BLOC1S3: variants seen among roughly 807,000 people sequenced by gnomAD.
BLOC1S3 encodes biogenesis of lysosomal organelles complex 1 subunit 3, also known as biogenesis of lysosome-related organelles complex 1 subunit 3.
Under a neutral mutation model 9.1 loss-of-function variants are expected in BLOC1S3, and 7 were observed. The ratio of observed to expected loss-of-function variants is 0.77; its 90% CI spans 0.44 to 1.45. The LOEUF is 1.45. Ranked by LOEUF, BLOC1S3 falls within the 40% of genes most tolerant of loss-of-function variation. BLOC1S3 has a pLI of 0.01. For synonymous variants in BLOC1S3, 145 were observed against 158.4 expected (o/e 0.92, Z 0.64); for missense variants, 307 against 315.2 (o/e 0.97, Z 0.20).
rs34965337 is a variant in BLOC1S3, at chr19:45,180,235, A to ATTTTTTTTTT, written c.*345_*354dup. 0.013 allele frequency: 1,169 copies of ATTTTTTTTTT among 90,432 alleles called. 36 individuals are homozygous for ATTTTTTTTTT. The highest frequency in any genetic ancestry group is 0.017 in the Middle Eastern group (2 of 116). The allele number at this position is 90,432 out of a possible 1,614,324, so 5.6% of individuals were successfully genotyped here. On this transcript the variant is annotated 3_prime_UTR_variant, in exon 2 of 2. Coordinates refer to ENST00000433642, the MANE Select transcript of BLOC1S3 (RefSeq NM_212550.5). ...CTGTTTCCACCCTGGGGGCTCACCA[A>ATTTTTTTTTT]TTTTTTTTTTTTTTTTTTTTTTTTG... is the stretch of plus-strand genomic sequence containing the variant.
At chr19:45,190,820 T>TTATTTTATTTTATTTTTATTTTATTTTA in intron 2 of BLOC1S3, among the ~76,000 whole-genome samples, 1 of 148,370 alleles carries the variant, frequency 6.7e-6, no homozygotes, top group South Asian at 2.1e-4. Flanking sequence ...TTATTTTATT[T>TTATTTTATTTTATTTTTATTTTATTTTA]TTTGAGAGAG....
chr19:45,183,623 C>CTTTTTTTTTTTTTTTT (rs57651816), downstream of BLOC1S3, among the ~76,000 whole-genome samples: 177 of 105,054 alleles, frequency 1.7e-3, 1 homozygote, highest in Non-Finnish European at 2.3e-3. Flanking sequence ...CTTTTCTTTT[C>CTTTTTTTTTTTTTTTT]TTTTTTTTTT....
chr19:45,184,708 G>A (rs1040638327), downstream of BLOC1S3, among the ~76,000 whole-genome samples: 1 of 151,960 alleles, frequency 6.6e-6, no homozygotes, highest in Non-Finnish European at 1.5e-5. Flanking sequence ...AGACCATCCT[G>A]GCTAACATGG....
At chr19:45,207,039 G>T (rs572824313) in intron 3 of BLOC1S3, among the ~76,000 whole-genome samples, 1 of 152,132 alleles carries the variant, frequency 6.6e-6, no homozygotes, top group African/African-American at 2.4e-5. Flanking sequence ...GTTTCACCAT[G>T]TTGGCCAGGC....
rs1969483173 is a variant in BLOC1S3, at chr19:45,179,692, C to A, written c.396C>A (p.Tyr132Ter). The A allele has an allele frequency of 1.4e-6, 2 of 1,465,474 alleles. No individual in the cohort carries two copies. Among genetic ancestry groups the A allele is most frequent in the Non-Finnish European group, 1.8e-6 (2 of 1,115,086 alleles). The allele number at this position is 1,465,474 out of a possible 1,614,324, so 90.8% of individuals were successfully genotyped here. ...TGGCGGCCGCCGTGAGCGGTGTCTA[C>A]CGCCGTGCAGGCCGCGACGTGGCCG... is the stretch of plus-strand genomic sequence containing the variant. ...HDVAAAVSGV[Y>*]RRAGRDVAAL... The change falls in exon 2 of 2, where the codon TAC (tyrosine) becomes TAA (stop). Residue 132 changes from tyrosine to a stop codon, truncating the protein, a stop_gained. Transcript: ENST00000433642. LOFTEE classifies it high-confidence loss of function. The surrounding 1 kb of genome is among the most constrained non-coding windows in gnomAD (Gnocchi z 4.6).
chr19:45,201,133 G>A (rs1273149536), intron 2 of BLOC1S3, among the ~76,000 whole-genome samples: 1 of 151,978 alleles, frequency 6.6e-6, no homozygotes, highest in African/African-American at 2.4e-5. Context: ...CGCATGGGAG[G>A]TGGAGGTTGC....
chr19:45,179,858 G>A lies in BLOC1S3; in HGVS notation c.562G>A (p.Gly188Ser). The A allele has an allele frequency of 1.9e-6, 3 of 1,609,314 alleles. No homozygotes were observed. Among genetic ancestry groups the A allele is most frequent in the African/African-American group, 1.3e-5 (1 of 74,322 alleles). ...CTGCCGCCTGCTGCCGGACATCCGC[G>A]GCGTGCCAGGGACCGAGCCTGAGAA... Reference protein sequence around the residue: ...AGCRLLPDIRGVPGTEPEKDP... With the variant: ...AGCRLLPDIRSVPGTEPEKDP... The change falls in exon 2 of 2, where the codon GGC (glycine) becomes AGC (serine). Residue 188 changes from glycine to serine, a missense_variant. Physicochemically the swap from Gly to Ser is moderately conservative, Grantham distance 56. Transcript: ENST00000433642. This position sits in a 1 kb window ranked among gnomAD's most constrained non-coding sequence, Gnocchi z 4.6.
chr19:45,206,419 C>A (rs1479971334), intron 3 of BLOC1S3, among the ~76,000 whole-genome samples: 1 of 93,208 alleles, frequency 1.1e-5, no homozygotes, highest in Non-Finnish European at 2.2e-5. Flanking sequence ...GGTCATTGTT[C>A]TCTTTTTCCA....
At chr19:45,212,381 A>G (rs1969782776) in intron 3 of BLOC1S3, among the ~76,000 whole-genome samples, 1 of 152,164 alleles carries the variant, frequency 6.6e-6, no homozygotes, top group Non-Finnish European at 1.5e-5. Flanking sequence ...TGTGTTAAAT[A>G]GAAACCTCTT....
chr19:45,204,827 G>A (rs1969715504), intron 3 of BLOC1S3, among the ~76,000 whole-genome samples: 1 of 151,438 alleles, frequency 6.6e-6, no homozygotes, highest in South Asian at 2.1e-4. Flanking sequence ...CACCTCCAGG[G>A]TTCAAGTGAT....
chr19:45,196,334 C>A (rs891563478), intron 2 of BLOC1S3, among the ~76,000 whole-genome samples: 1 of 151,834 alleles, frequency 6.6e-6, no homozygotes, highest in Non-Finnish European at 1.5e-5. Flanking sequence ...GCTGAGATCG[C>A]ACCAGTGCAG....
chr19:45,214,530 T>C (rs1303361105), intron 3 of BLOC1S3, among the ~76,000 whole-genome samples: 2 of 152,168 alleles, frequency 1.3e-5, no homozygotes, highest in East Asian at 3.9e-4. Context: ...AGTGGCGCGA[T>C]CTCAGCTCAC....
rs928647238 is a variant in BLOC1S3, at chr19:45,180,155, C to G, written c.*250C>G. 4.7e-6 allele frequency: 2 copies of G among 421,544 alleles called. No individual in the cohort carries two copies. The highest frequency in any genetic ancestry group is 4.5e-5 in the Admixed American group (1 of 22,060). 26.1% of individuals were successfully genotyped at this position (421,544 alleles called of 1,614,324 possible). On this transcript the variant is annotated 3_prime_UTR_variant, in exon 2 of 2. Coordinates refer to ENST00000433642, the MANE Select transcript of BLOC1S3 (RefSeq NM_212550.5). ...CCGATCCTGACCCTGCCGCCTGGTT[C>G]TGAGCCTTCCCCTGGGGCTTGGCTC...
chr19:45,209,053 T>TG (rs943308162), intron 3 of BLOC1S3, among the ~76,000 whole-genome samples: 2 of 151,928 alleles, frequency 1.3e-5, no homozygotes, highest in African/African-American at 2.4e-5. Context: ...TTGTTTTTTT[T>TG]TTGTTGTTTG....
rs1375431966 is a variant in BLOC1S3 at position 45,179,636 on chromosome 19, G to A, written c.340G>A (p.Ala114Thr). ...PARSLLQLRL[A>T]ESQARLDHDV... is the part of the protein sequence containing the mutation. ...GCGCTCGCTCCTGCAACTTCGGCTG[G>A]CGGAGAGCCAGGCGCGGCTGGACCA... Residue 114 changes from alanine (A) to threonine (T), a missense_variant, in exon 2 of 2, where the codon GCG becomes ACG. Ala to Thr is a moderately conservative substitution (Grantham distance 58). Coordinates refer to ENST00000433642, the MANE Select transcript of BLOC1S3 (RefSeq NM_212550.5). This position sits in a 1 kb window ranked among gnomAD's most constrained non-coding sequence, Gnocchi z 4.6. 3 of 1,473,020 alleles carry A rather than the reference G, an allele frequency of 2.0e-6. No homozygotes were observed. Among genetic ancestry groups the A allele is most frequent in the South Asian group, 2.6e-5 (2 of 77,516 alleles). The allele number at this position is 1,473,020 out of a possible 1,614,324, so 91.2% of individuals were successfully genotyped here.
At chr19:45,190,643 C>G (rs1367550922) in intron 2 of BLOC1S3, among the ~76,000 whole-genome samples, 1 of 151,668 alleles carries the variant, frequency 6.6e-6, no homozygotes, top group Non-Finnish European at 1.5e-5. Context: ...CTCAAGTGAT[C>G]TGCCCACCTC....
chr19:45,199,550 G>A (rs1376766481), intron 2 of BLOC1S3, among the ~76,000 whole-genome samples: 4 of 151,684 alleles, frequency 2.6e-5, no homozygotes, highest in South Asian at 2.1e-4. Context: ...TCCTGACCTC[G>A]TGATCCGCTT....
downstream of BLOC1S3, among the ~76,000 whole-genome samples, chr19:45,185,897 G>A (rs186529518): frequency 1.3e-4 from 20 of 152,202 alleles, no homozygotes; most frequent in African/African-American, 4.1e-4. Flanking sequence ...GATCACCTGA[G>A]GTCAGAAGTT....
chr19:45,180,235 A>ATTTTTTTT lies in BLOC1S3; in HGVS notation c.*347_*354dup, dbSNP rs34965337. Reference sequence around the variant, plus strand: ...CTGTTTCCACCCTGGGGGCTCACCAATTTTTTTTTTTTTTTTTTTTTTTTG... The same window carrying ATTTTTTTT: ...CTGTTTCCACCCTGGGGGCTCACCAATTTTTTTTTTTTTTTTTTTTTTTTTTTTTTTTG... On this transcript the variant is annotated 3_prime_UTR_variant, in exon 2 of 2. Coordinates refer to ENST00000433642, the MANE Select transcript of BLOC1S3 (RefSeq NM_212550.5). The ATTTTTTTT allele has an allele frequency of 2.7e-4, 24 of 90,522 alleles. No individual in the cohort carries two copies. The highest frequency in any genetic ancestry group is 1.6e-3 in the South Asian group (5 of 3,174). 5.6% of individuals were successfully genotyped at this position (90,522 alleles called of 1,614,324 possible). A position where few individuals can be genotyped will look rare whatever the true frequency, so the allele number is the denominator to read the frequency against.
Sources: gnomAD v4.1 joint callset for allele counts (sites outside exome capture counted in the v4.1 genomes callset) on GRCh38, gnomAD v4.1.1 for gene constraint, Gnocchi (gnomAD v3.1) non-coding constraint, MANE v1.5 for transcripts, NCBI Gene and HGNC (gene_info 2026-07-23, HGNC 2026-07-21) for gene names.